GLI3: variants seen among roughly 807,000 people sequenced by gnomAD.
GLI3 encodes the protein GLI family zinc finger 3, also known as transcription activator GLI3.
A neutral mutation model predicts 100.8 loss-of-function variants in GLI3; 20 were observed. The observed-to-expected ratio is 0.20, with a 90% CI of 0.14 to 0.29. The LOEUF (loss-of-function observed/expected upper bound fraction) is 0.29, where lower values mean the gene tolerates loss of function less well. Ranked by LOEUF, GLI3 falls within the 10% of genes least tolerant of loss-of-function variation. The pLI, the probability that GLI3 is intolerant of heterozygous loss-of-function variation, is 1.00. For missense variants in GLI3, 2,040 were observed against 2,128.5 expected (o/e 0.96, Z 0.82); for synonymous variants, 938 against 860.5 (o/e 1.09, Z -1.58).
rs1333364888 is a variant in GLI3 at position 42,048,539 on chromosome 7, G to C, written c.631C>G (p.Pro211Ala). 6.2e-7 allele frequency: 1 copy of C among 1,613,400 alleles called. No individual in the cohort carries two copies. Among genetic ancestry groups the C allele is most frequent in the Admixed American group, 1.7e-5 (1 of 59,918 alleles). The change falls in exon 5 of 15, where the codon CCA (proline) becomes GCA (alanine). Residue 211 changes from proline to alanine, a missense_variant. Transcript: ENST00000395925. ...GTTGCTGAGATCATGGAGAGCGATG[G>C]GCTGCTGTGCAAGGAGCGGATATAG... The part of the protein sequence containing the change: ...MDYIRSLHSS[P>A]SLSMISATRG...
chr7:42,086,601 C>T (rs1241968573), intron 3 of GLI3, among the ~76,000 whole-genome samples: 1 of 152,090 alleles, frequency 6.6e-6, no homozygotes, highest in Non-Finnish European at 1.5e-5. Flanking sequence ...AGGCACCATG[C>T]ACTTCATGGC....
chr7:42,248,840 G>A (rs1483303122), intron 1 of GLI3, among the ~76,000 whole-genome samples: 1 of 151,730 alleles, frequency 6.6e-6, no homozygotes, highest in Non-Finnish European at 1.5e-5. Flanking sequence ...CCAGGCTGGA[G>A]TGCAGTGGTG....
chr7:42,090,831 C>A lies in GLI3; in HGVS notation c.368-13974G>T, dbSNP rs374261999. Among the ~76,000 whole-genome samples the A allele has an allele frequency of 2.8e-4, 42 of 152,366 alleles. 1 individual carries two copies. In the East Asian group the frequency reaches 7.9e-3, roughly 29 times the overall value. ...GGTACTAAGGACTGCCCTAAACACTCTTCATATATTTTCTTGCTTATACCA... is the reference window on the plus strand; with the variant it reads ...GGTACTAAGGACTGCCCTAAACACTATTCATATATTTTCTTGCTTATACCA... On this transcript the variant is annotated intron_variant, in intron 3 of 14. Transcript: ENST00000395925.
chr7:41,991,235 G>T (rs568923268), intron 10 of GLI3, among the ~76,000 whole-genome samples: 1 of 152,272 alleles, frequency 6.6e-6, no homozygotes, highest in African/African-American at 2.4e-5. Context: ...CTACTCAGAA[G>T]AATGCATGAT....
intron 12 of GLI3, among the ~76,000 whole-genome samples, chr7:41,976,486 A>G (rs1484280938): frequency 6.6e-6 from 1 of 152,198 alleles, no homozygotes; most frequent in East Asian, 1.9e-4. Context: ...CTTAAAGCCA[A>G]AAGTCCACTG....
chr7:42,260,656 G>C (rs2128711828), intron 1 of GLI3, among the ~76,000 whole-genome samples: 1 of 152,312 alleles, frequency 6.6e-6, no homozygotes, highest in South Asian at 2.1e-4. Context: ...CTACAACGTA[G>C]TGAATGAAGG....
In GLI3 at chr7:41,965,057, C is replaced by T. The variant is rs756685313; in HGVS notation, c.4016G>A (p.Arg1339His). 9.3e-6 allele frequency: 15 copies of T among 1,613,732 alleles called. No homozygotes were observed. The highest frequency in any genetic ancestry group is 1.3e-5 in the Non-Finnish European group (15 of 1,180,004). The change falls in exon 15 of 15, where the codon CGC becomes CAC. Residue 1339 changes from arginine to histidine, a missense_variant. Physicochemically the swap from Arg to His is conservative, Grantham distance 29. Around this residue, in one of 5 missense-constraint regions of GLI3, gnomAD observed 1,041 missense variants for 924.0 expected, o/e 1.13. Transcript: ENST00000395925. Reference protein sequence around the residue: ...GDSMQHPGAGRPGQQMLGQIS... With the variant: ...GDSMQHPGAGHPGQQMLGQIS... ...CTGCCCAAGCATCTGCTGACCGGGG[C>T]GGCCTGCCCCCGGGTGCTGCATGCT...
intron 4 of GLI3, among the ~76,000 whole-genome samples, chr7:42,072,703 C>T (rs1784806675): frequency 6.6e-6 from 1 of 152,076 alleles, no homozygotes; most frequent in Admixed American, 6.5e-5. Flanking sequence ...GAAGGAACAG[C>T]CCTGATGTCA....
intron 2 of GLI3, among the ~76,000 whole-genome samples, chr7:42,179,014 T>C (rs1439344790): frequency 6.6e-6 from 1 of 152,154 alleles, no homozygotes; most frequent in Non-Finnish European, 1.5e-5. Flanking sequence ...TGGCTGGTGA[T>C]ATGGTTTGGC....
chr7:42,154,485 G>C (rs988317755), intron 2 of GLI3, among the ~76,000 whole-genome samples: 1 of 152,188 alleles, frequency 6.6e-6, no homozygotes, highest in Non-Finnish European at 1.5e-5. Context: ...TGTTTGCAAA[G>C]AGCATTATTT....
chr7:42,105,608 T>G (rs1158826175), intron 3 of GLI3, among the ~76,000 whole-genome samples: 1 of 152,130 alleles, frequency 6.6e-6, no homozygotes, highest in Non-Finnish European at 1.5e-5. Flanking sequence ...TCACAGATGA[T>G]AGAAAATCTT....
chr7:41,983,443 G>A (rs1387523732), intron 10 of GLI3, among the ~76,000 whole-genome samples: 4 of 152,146 alleles, frequency 2.6e-5, no homozygotes, highest in African/African-American at 9.7e-5. Flanking sequence ...AAAAGTGATA[G>A]GCAATGAATT....
At chr7:41,989,785 T>C (rs1199622534) in intron 10 of GLI3, among the ~76,000 whole-genome samples, 1 of 151,848 alleles carries the variant, frequency 6.6e-6, no homozygotes, top group East Asian at 1.9e-4. Context: ...GTAATCCCAA[T>C]ACTTTAGGAG....
chr7:42,172,679 A>G (rs1289328221), intron 2 of GLI3: 1 of 700,416 alleles, frequency 1.4e-6, no homozygotes, highest in East Asian at 2.7e-5. Context: ...GGGCCTCCAA[A>G]TGGTTGCCTG....
chr7:42,164,559 G>A lies in GLI3; in HGVS notation c.125-16091C>T, dbSNP rs180810360. Among the ~76,000 whole-genome samples the A allele has an allele frequency of 2.2e-3, 337 of 151,946 alleles. 1 individual carries two copies. The highest frequency in any genetic ancestry group is 0.02 in the Admixed American group (306 of 15,258). ...AAAAATAAAAATAATTGCCGAGCAC[G>A]GTGGCTCACGCCTGTAATCCCAGCA... On this transcript the variant is annotated intron_variant, in intron 2 of 14. Coordinates refer to ENST00000395925, the MANE Select transcript of GLI3 (RefSeq NM_000168.6).
At position 41,964,073 on chromosome 7, in the gene GLI3, T is replaced by A. The variant is rs921512238; in HGVS notation, c.*257A>T. ...GGGGGCGGGGCTTACAGTTTTTTTT[T>A]TTTTTTTTAAAAAGAGGGTGGTTTG... On this transcript the variant is annotated 3_prime_UTR_variant, in exon 15 of 15. Transcript: ENST00000395925. 6.7e-6 allele frequency: 2 copies of A among 297,514 alleles called. No homozygotes were observed. Among genetic ancestry groups the A allele is most frequent in the African/African-American group, 4.4e-5 (2 of 45,778 alleles). The allele number at this position is 297,514 out of a possible 1,614,324, so 18.4% of individuals were successfully genotyped here.
chr7:42,025,419 A>T, intron 8 of GLI3, 42 bp from the exon 9 acceptor site: 1 of 1,414,010 alleles, frequency 7.1e-7, no homozygotes, highest in South Asian at 1.1e-5. Flanking sequence ...AAAGATTTTC[A>T]TCAACAAGGA....
At chr7:42,164,246 C>T (rs1348591769) in intron 2 of GLI3, among the ~76,000 whole-genome samples, 1 of 152,204 alleles carries the variant, frequency 6.6e-6, no homozygotes, top group African/African-American at 2.4e-5. Flanking sequence ...AAAGACCAGA[C>T]ATGGTGGCTC....
At chr7:42,100,096 A>G (rs1425496282) in intron 3 of GLI3, among the ~76,000 whole-genome samples, 1 of 152,240 alleles carries the variant, frequency 6.6e-6, no homozygotes, top group Non-Finnish European at 1.5e-5. Context: ...GGTAGTTAAC[A>G]TGCCAAGTCA....
Sources: gnomAD v4.1 joint callset for allele counts (sites outside exome capture counted in the v4.1 genomes callset) on GRCh38, gnomAD v4.1.1 for gene constraint, gnomAD v4.1.1 regional missense constraint, MANE v1.5 for transcripts, NCBI Gene and HGNC (gene_info 2026-07-23, HGNC 2026-07-21) for gene names.